BCKDHB: variants seen among roughly 807,000 people sequenced by gnomAD.
The protein encoded by BCKDHB is 2-oxoisovalerate dehydrogenase subunit beta, mitochondrial.
BCKDHB carries 41 observed loss-of-function variants against 48.5 expected under a neutral mutation model. That is an observed-to-expected ratio of 0.85 (90% CI 0.66 to 1.10). The LOEUF (loss-of-function observed/expected upper bound fraction) is 1.10. Ranked by LOEUF, BCKDHB falls within the 50% of genes least tolerant of loss-of-function variation. BCKDHB has a pLI of 0.00. For missense variants in BCKDHB, 496 were observed against 494.2 expected (o/e 1.00, Z -0.03); for synonymous variants, 201 against 174.8 (o/e 1.15, Z -1.18).
In BCKDHB at chr6:80,327,109, A is replaced by G. The variant is rs114743299; in HGVS notation, c.1039-16555A>G. Among the ~76,000 whole-genome samples the G allele has an allele frequency of 3.6e-3, 553 of 152,316 alleles. 6 individuals carry two copies. Among genetic ancestry groups the G allele is most frequent in the African/African-American group, 0.013 (524 of 41,584 alleles). ...AGTATAAGCCAGCAGGAAGTTGCAA[A>G]AACAGTACAGATGCTCCCCAACTTA... is the stretch of plus-strand genomic sequence containing the variant. On this transcript the variant is annotated intron_variant, in intron 9 of 9. Coordinates refer to ENST00000320393, the MANE Select transcript of BCKDHB (RefSeq NM_183050.4).
chr6:80,254,073 A>G (rs1434612986), intron 8 of BCKDHB, among the ~76,000 whole-genome samples: 6 of 151,992 alleles, frequency 3.9e-5, no homozygotes, highest in South Asian at 2.1e-4. Context: ...GGCATGTGCA[A>G]TGTGCCTCAG....
chr6:80,413,486 T>C, the BCKDHB span, among the ~76,000 whole-genome samples: 1 of 152,218 alleles, frequency 6.6e-6, no homozygotes, highest in African/African-American at 2.4e-5. Context: ...GTGTGTGTTG[T>C]TCTCCTCTAT....
intron 3 of BCKDHB, 145 bp downstream of exon 3, chr6:80,129,374 C>T: frequency 2.9e-6 from 2 of 681,996 alleles, no homozygotes; most frequent in East Asian, 2.7e-5. Flanking sequence ...CCGCAGAATC[C>T]TTTGGCCTAT....
intron 8 of BCKDHB, among the ~76,000 whole-genome samples, chr6:80,206,747 T>TA: frequency 6.6e-6 from 1 of 151,898 alleles, no homozygotes; most frequent in Non-Finnish European, 1.5e-5. Flanking sequence ...GAAAAGAGGA[T>TA]AAAACACATT....
the BCKDHB span, among the ~76,000 whole-genome samples, chr6:80,394,026 C>T: frequency 6.6e-6 from 1 of 152,174 alleles, no homozygotes; most frequent in Non-Finnish European, 1.5e-5. Context: ...GACATCCTTA[C>T]TCCATTTACT....
intron 9 of BCKDHB, among the ~76,000 whole-genome samples, chr6:80,314,860 G>A (rs1042853975): frequency 6.6e-6 from 1 of 152,194 alleles, no homozygotes; most frequent in Non-Finnish European, 1.5e-5. Flanking sequence ...CCTGCTTGAG[G>A]AAGCAGTCTG....
chr6:80,360,456 T>C, the BCKDHB span, among the ~76,000 whole-genome samples: 1 of 152,168 alleles, frequency 6.6e-6, no homozygotes, highest in Non-Finnish European at 1.5e-5. Flanking sequence ...ACTCCTGTTA[T>C]AAGTATAATA....
chr6:80,379,618 A>G, the BCKDHB span, among the ~76,000 whole-genome samples: 1 of 152,058 alleles, frequency 6.6e-6, no homozygotes, highest in African/African-American at 2.4e-5. Flanking sequence ...AAGAAAAGAA[A>G]TAAAAGACAT....
chr6:80,203,563 G>T (rs1451302912), intron 8 of BCKDHB, among the ~76,000 whole-genome samples: 1 of 152,058 alleles, frequency 6.6e-6, no homozygotes, highest in East Asian at 1.9e-4. Context: ...AGTAAGCTAG[G>T]TTTAATTTAG....
chr6:80,173,278 C>A lies in BCKDHB; in HGVS notation c.742+1888C>A, dbSNP rs533346641. On this transcript the variant is annotated intron_variant, in intron 6 of 9. Transcript: ENST00000320393. ...GTATTCAAAAGGTTTCCAGAAATTT[C>A]CCCATGCTTGATCATGTATCATTTC... Among the ~76,000 whole-genome samples the A allele has an allele frequency of 2.0e-5, 3 of 152,206 alleles. No individual in the cohort carries two copies. The South Asian group carries it at 6.2e-4, about 32-fold the overall frequency.
intron 8 of BCKDHB, among the ~76,000 whole-genome samples, chr6:80,204,864 T>C (rs1222161055): frequency 2.0e-5 from 3 of 152,088 alleles, no homozygotes; most frequent in Non-Finnish European, 4.4e-5. Context: ...AATCTGTTGG[T>C]CGCATCTTTG....
At chr6:80,239,265 G>A (rs1776279018) in intron 8 of BCKDHB, among the ~76,000 whole-genome samples, 1 of 152,130 alleles carries the variant, frequency 6.6e-6, no homozygotes, top group Admixed American at 6.6e-5. Flanking sequence ...AGCACCTGTT[G>A]TTTCCTGACT....
chr6:80,147,238 A>G (rs1217381949), intron 3 of BCKDHB, among the ~76,000 whole-genome samples: 2 of 152,176 alleles, frequency 1.3e-5, no homozygotes, highest in Non-Finnish European at 2.9e-5. Context: ...TCACAACTGA[A>G]ACCAGGCCTG....
the BCKDHB span, among the ~76,000 whole-genome samples, chr6:80,402,170 T>G: frequency 2.6e-5 from 4 of 151,856 alleles, no homozygotes; most frequent in Admixed American, 1.3e-4. Context: ...TAGTTCTACT[T>G]TTAATTTTTT....
intron 8 of BCKDHB, among the ~76,000 whole-genome samples, chr6:80,233,322 G>C (rs768041093): frequency 1.3e-5 from 2 of 151,996 alleles, no homozygotes; most frequent in Non-Finnish European, 2.9e-5. Flanking sequence ...TTGTCTCTAG[G>C]GCAGTAGCCT....
intron 8 of BCKDHB, among the ~76,000 whole-genome samples, chr6:80,253,441 C>T (rs1233820125): frequency 2.0e-5 from 3 of 152,264 alleles, no homozygotes; most frequent in East Asian, 1.9e-4. Flanking sequence ...TTTAATCATG[C>T]GTCGGGCTTT....
At chr6:80,212,844 G>T (rs7745301) in intron 8 of BCKDHB, among the ~76,000 whole-genome samples, 92,447 of 152,050 alleles carry the variant, frequency 0.61, 28,326 homozygotes, top group South Asian at 0.76. Context: ...ACCAGCTTAT[G>T]TGATACTGAA....
At position 80,299,166 on chromosome 6, in the gene BCKDHB, G is replaced by GGCC. The variant is rs1364158667; in HGVS notation, c.1038+25945_1038+25946insGCC. 2.0e-5 allele frequency among the ~76,000 whole-genome samples: 3 copies of GGCC among 152,194 alleles called. No individual in the cohort carries two copies. The East Asian group carries it at 5.8e-4, about 29-fold the overall frequency. On this transcript the variant is annotated intron_variant, in intron 9 of 9. Coordinates refer to ENST00000320393, the MANE Select transcript of BCKDHB (RefSeq NM_183050.4). Reference sequence around the variant, plus strand: ...CTCAAGCATCCTTGCCTTTTATTAAGAGGGGCCTTTAACCCACTCTGTCTT... The same window carrying GGCC: ...CTCAAGCATCCTTGCCTTTTATTAAGGCCAGGGGCCTTTAACCCACTCTGTCTT...
At chr6:80,464,500 C>G in the BCKDHB span, among the ~76,000 whole-genome samples, 13,858 of 152,124 alleles carry the variant, frequency 0.091, 703 homozygotes, top group Non-Finnish European at 0.11. Context: ...AAATTAGTAA[C>G]TTCCTTAGAA....
Sources: gnomAD v4.1 joint callset for allele counts (sites outside exome capture counted in the v4.1 genomes callset) on GRCh38, gnomAD v4.1.1 for gene constraint, MANE v1.5 for transcripts, NCBI Gene and HGNC (gene_info 2026-07-23, HGNC 2026-07-21) for gene names.